PRKG1: variants seen among roughly 807,000 people sequenced by gnomAD.
PRKG1 encodes protein kinase cGMP-dependent 1.
PRKG1 carries 35 observed loss-of-function variants against 88.1 expected under a neutral mutation model. That is an observed-to-expected ratio of 0.40 (90% confidence interval 0.30 to 0.53). PRKG1 has a LOEUF of 0.53. PRKG1 is among the 20% of genes least tolerant of loss of function. The probability of loss-of-function intolerance (pLI) is 0.59; values close to 1 mark genes in which losing one functional copy is unlikely to be tolerated. For missense variants in PRKG1, 540 were observed against 839.8 expected (o/e 0.64, Z 4.41); for synonymous variants, 303 against 292.5 (o/e 1.04, Z -0.37).
intron 1 of PRKG1, among the ~76,000 whole-genome samples, chr10:51,137,816 A>T (rs1238167973): frequency 6.6e-6 from 1 of 152,216 alleles, no homozygotes; most frequent in Non-Finnish European, 1.5e-5. Flanking sequence ...TTCATATTAG[A>T]TGGGAAGAAA....
intron 3 of PRKG1, among the ~76,000 whole-genome samples, chr10:51,682,382 G>A (rs548180805): frequency 1.1e-4 from 17 of 152,262 alleles, no homozygotes; most frequent in Admixed American, 9.8e-4. Context: ...AATTTAAAAT[G>A]CCTCCTTCTC....
intron 4 of PRKG1, among the ~76,000 whole-genome samples, chr10:51,852,375 T>TAGAG (rs144635661): frequency 4.9e-5 from 7 of 143,870 alleles, no homozygotes; most frequent in East Asian, 2.1e-4. Context: ...CACACACACA[T>TAGAG]AGAGAGAGAG....
intron 8 of PRKG1, among the ~76,000 whole-genome samples, chr10:52,146,205 T>A (rs2132658627): frequency 6.6e-6 from 1 of 152,342 alleles, no homozygotes; most frequent in South Asian, 2.1e-4. Flanking sequence ...ATAGTCTATG[T>A]CATATGATTA....
intron 2 of PRKG1, among the ~76,000 whole-genome samples, chr10:51,281,311 G>A (rs1359713202): frequency 2.6e-5 from 4 of 152,146 alleles, no homozygotes; most frequent in Non-Finnish European, 5.9e-5. Flanking sequence ...AGGGGGTCAG[G>A]GACCCAGTTG....
chr10:52,003,322 T>C (rs1844647691), intron 5 of PRKG1, among the ~76,000 whole-genome samples: 3 of 152,220 alleles, frequency 2.0e-5, no homozygotes, highest in African/African-American at 7.2e-5. Context: ...CTTGATTCAT[T>C]TATTTTGAGT....
chr10:51,048,663 T>C (rs979350984), intron 1 of PRKG1, among the ~76,000 whole-genome samples: 3 of 152,172 alleles, frequency 2.0e-5, no homozygotes, highest in East Asian at 1.9e-4. Context: ...TTCAAGAGAC[T>C]AAAAGCATTA....
chr10:52,249,574 TGAGA>T, intron 9 of PRKG1, among the ~76,000 whole-genome samples: 1 of 152,082 alleles, frequency 6.6e-6, no homozygotes, highest in Non-Finnish European at 1.5e-5. Flanking sequence ...GGCCCCAAAA[TGAGA>T]ATTTTGGGGG....
At chr10:51,120,897 G>A (rs1335848330) in intron 1 of PRKG1, among the ~76,000 whole-genome samples, 1 of 152,102 alleles carries the variant, frequency 6.6e-6, no homozygotes, top group Non-Finnish European at 1.5e-5. Context: ...GTATAGTCTT[G>A]TAGGTTAGAA....
chr10:51,044,001 T>C (rs1843457211), intron 1 of PRKG1, among the ~76,000 whole-genome samples: 1 of 152,170 alleles, frequency 6.6e-6, no homozygotes, highest in Non-Finnish European at 1.5e-5. Context: ...TGAATCCTCA[T>C]GATAACCCTA....
At chr10:51,416,954 A>G (rs187475804) in intron 2 of PRKG1, among the ~76,000 whole-genome samples, 393 of 152,346 alleles carry the variant, frequency 2.6e-3, no homozygotes, top group African/African-American at 9.2e-3. Context: ...AGATAATGCC[A>G]CTTGGAAAAA....
chr10:51,177,515 A>C (rs908960212), intron 2 of PRKG1, among the ~76,000 whole-genome samples: 1 of 152,156 alleles, frequency 6.6e-6, no homozygotes, highest in Non-Finnish European at 1.5e-5. Flanking sequence ...TGACCACATC[A>C]CATCCTCTTT....
intron 3 of PRKG1, among the ~76,000 whole-genome samples, chr10:51,472,414 T>C (rs1840070852): frequency 6.6e-6 from 1 of 151,956 alleles, no homozygotes; most frequent in Non-Finnish European, 1.5e-5. Flanking sequence ...CTGTAAATAC[T>C]TTTACATGCT....
chr10:51,787,364 C>A (rs1270491393), intron 3 of PRKG1, among the ~76,000 whole-genome samples: 1 of 152,026 alleles, frequency 6.6e-6, no homozygotes, highest in East Asian at 1.9e-4. Context: ...ATTGAGGACC[C>A]CTTCATGGGC....
At chr10:51,120,722 C>T (rs1845240715) in intron 1 of PRKG1, among the ~76,000 whole-genome samples, 5 of 152,174 alleles carry the variant, frequency 3.3e-5, no homozygotes, top group Admixed American at 2.0e-4. Context: ...AGCATATACA[C>T]TACACATGTA....
intron 9 of PRKG1, among the ~76,000 whole-genome samples, chr10:52,211,796 C>T (rs539709553): frequency 6.0e-5 from 9 of 151,178 alleles, no homozygotes; most frequent in Admixed American, 4.6e-4. Flanking sequence ...TATGAATGCA[C>T]TTAAATGATC....
chr10:51,465,742 A>G, intron 2 of PRKG1, among the ~76,000 whole-genome samples: 1 of 152,196 alleles, frequency 6.6e-6, no homozygotes, highest in East Asian at 1.9e-4. Flanking sequence ...AGGGGAAATT[A>G]AAAACCTCTA....
At chr10:51,589,585 T>C (rs1838257147) in intron 3 of PRKG1, among the ~76,000 whole-genome samples, 1 of 152,110 alleles carries the variant, frequency 6.6e-6, no homozygotes, top group East Asian at 1.9e-4. Flanking sequence ...ATCGTGCCAC[T>C]GCACTCCAGC....
At chr10:51,083,181 G>A (rs745651040) in intron 1 of PRKG1, among the ~76,000 whole-genome samples, 1 of 152,112 alleles carries the variant, frequency 6.6e-6, no homozygotes, top group Non-Finnish European at 1.5e-5. Context: ...AATCTCTGGG[G>A]TTACCTGTTA....
At chr10:51,869,268 T>A (rs1371302311) in intron 4 of PRKG1, among the ~76,000 whole-genome samples, 1 of 152,202 alleles carries the variant, frequency 6.6e-6, no homozygotes, top group African/African-American at 2.4e-5. Flanking sequence ...TTGCCTTAAA[T>A]GCATTTACCC....
Sources: gnomAD v4.1 joint callset for allele counts (sites outside exome capture counted in the v4.1 genomes callset) on GRCh38, gnomAD v4.1.1 for gene constraint, MANE v1.5 for transcripts, NCBI Gene and HGNC (gene_info 2026-07-23, HGNC 2026-07-21) for gene names.